CALD1: variants seen among roughly 807,000 people sequenced by gnomAD.
The protein encoded by CALD1 is caldesmon 1, also known as caldesmon.
Under a neutral mutation model 99.9 loss-of-function variants are expected in CALD1, and 33 were observed. The observed-to-expected ratio is 0.33, with a 90% CI of 0.25 to 0.44. CALD1 has a LOEUF of 0.44. Among genes scored for constraint, CALD1 ranks in the 20% least tolerant of loss-of-function variants. CALD1 has a pLI of 1.00. For synonymous variants in CALD1, 310 were observed against 325.0 expected (o/e 0.95, Z 0.50); for missense variants, 861 against 962.1 (o/e 0.89, Z 1.39).
chr7:134,903,028 G>A (rs191248031), intron 3 of CALD1, among the ~76,000 whole-genome samples: 1 of 152,206 alleles, frequency 6.6e-6, no homozygotes, highest in South Asian at 2.1e-4. Flanking sequence ...TGCAGGAAAC[G>A]TAAGTGCATA....
At chr7:134,781,405 C>T (rs898168470) in intron 1 of CALD1, among the ~76,000 whole-genome samples, 1 of 152,164 alleles carries the variant, frequency 6.6e-6, no homozygotes, top group Non-Finnish European at 1.5e-5. Context: ...TCCCCCTTCT[C>T]TTGGGCTCCC....
At chr7:134,726,753 T>G in the CALD1 span, among the ~76,000 whole-genome samples, 1 of 152,148 alleles carries the variant, frequency 6.6e-6, no homozygotes, top group Non-Finnish European at 1.5e-5. Context: ...AAAAGGGTAT[T>G]GTGTATTTCA....
At chr7:134,773,919 C>A (rs2131639227) in intron 1 of CALD1, among the ~76,000 whole-genome samples, 1 of 151,804 alleles carries the variant, frequency 6.6e-6, no homozygotes, top group Middle Eastern at 3.4e-3. Context: ...GCCTGTAATC[C>A]CAGCACTTTG....
At chr7:134,881,545 G>A (rs531481044) in intron 3 of CALD1, among the ~76,000 whole-genome samples, 38 of 152,106 alleles carry the variant, frequency 2.5e-4, no homozygotes, top group African/African-American at 6.5e-4. Flanking sequence ...AGGGTAATGC[G>A]CATGACGTAC....
intron 7 of CALD1, among the ~76,000 whole-genome samples, chr7:134,944,121 G>A (rs1806670120): frequency 1.3e-5 from 2 of 152,148 alleles, no homozygotes; most frequent in South Asian, 2.1e-4. Flanking sequence ...GACTGAGAGA[G>A]GAGTCACAGG....
intron 2 of CALD1, among the ~76,000 whole-genome samples, chr7:134,867,199 CTTT>C (rs1335333834): frequency 6.6e-6 from 1 of 152,198 alleles, no homozygotes; most frequent in Admixed American, 6.5e-5. Context: ...CCTGATGCTT[CTTT>C]GAGAATATGC....
At chr7:134,819,435 T>C (rs80266697) in intron 1 of CALD1, among the ~76,000 whole-genome samples, 1,983 of 152,326 alleles carry the variant, frequency 0.013, 28 homozygotes, top group African/African-American at 0.035. Context: ...GCAAGCCTAA[T>C]AGAACTTGGG....
intron 1 of CALD1, among the ~76,000 whole-genome samples, chr7:134,811,053 GT>G (rs1462827980): frequency 6.6e-6 from 1 of 152,050 alleles, no homozygotes; most frequent in Non-Finnish European, 1.5e-5. Context: ...CTCCTTTTGG[GT>G]TGCCACAGCA....
chr7:134,847,539 G>T (rs1231757781), intron 2 of CALD1, among the ~76,000 whole-genome samples: 1 of 152,182 alleles, frequency 6.6e-6, no homozygotes, highest in East Asian at 1.9e-4. Context: ...TCCAGATTTG[G>T]TTAAGGATTG....
chr7:134,763,778 T>C (rs958500576), intron 1 of CALD1, among the ~76,000 whole-genome samples: 6 of 151,798 alleles, frequency 4.0e-5, no homozygotes, highest in Non-Finnish European at 1.5e-5. Flanking sequence ...ATTAGCTGGA[T>C]GTGGTGGCAG....
In CALD1 at chr7:134,891,842, G is replaced by A. The variant is rs79599461; in HGVS notation, c.71+24038G>A. 5.0e-3 allele frequency among the ~76,000 whole-genome samples: 756 copies of A among 150,610 alleles called. 2 individuals are homozygous for A. The highest frequency in any genetic ancestry group is 0.021 in the Middle Eastern group (6 of 286). ...CAGTGAGTGTGTGAGTTTCAGACCTGTCTGAAACTTTCTGGTTTCCACTTC... is the reference window on the plus strand; with the variant it reads ...CAGTGAGTGTGTGAGTTTCAGACCTATCTGAAACTTTCTGGTTTCCACTTC... On this transcript the variant is annotated intron_variant, in intron 3 of 14. Coordinates refer to ENST00000361675, the MANE Select transcript of CALD1 (RefSeq NM_033138.4).
At chr7:134,807,154 A>T (rs991464699) in intron 1 of CALD1, among the ~76,000 whole-genome samples, 6 of 152,214 alleles carry the variant, frequency 3.9e-5, no homozygotes, top group African/African-American at 1.4e-4. Context: ...TTCCATGCTC[A>T]ACCTTTTAAA....
chr7:134,892,168 T>C (rs893206684), intron 3 of CALD1, among the ~76,000 whole-genome samples: 4 of 152,176 alleles, frequency 2.6e-5, no homozygotes, highest in African/African-American at 9.7e-5. Context: ...CATATGCTAT[T>C]GATCAGGGAA....
chr7:134,943,402 A>G (rs1054313774), intron 7 of CALD1, among the ~76,000 whole-genome samples: 1 of 152,124 alleles, frequency 6.6e-6, no homozygotes, highest in African/African-American at 2.4e-5. Flanking sequence ...GGTGTGAACA[A>G]AACTTTTGCT....
chr7:134,948,191 G>T, intron 8 of CALD1: 1 of 156,416 alleles, frequency 6.4e-6, no homozygotes. Context: ...TCTAATAGTT[G>T]GAGAGTTTTT....
At chr7:134,865,500 G>T (rs1800765843) in intron 2 of CALD1, among the ~76,000 whole-genome samples, 1 of 152,190 alleles carries the variant, frequency 6.6e-6, no homozygotes, top group Non-Finnish European at 1.5e-5. Context: ...CTCTCCCTCT[G>T]GGTGCCCCCA....
At chr7:134,786,750 G>A (rs1244815187) in intron 1 of CALD1, among the ~76,000 whole-genome samples, 1 of 152,162 alleles carries the variant, frequency 6.6e-6, no homozygotes, top group Non-Finnish European at 1.5e-5. Flanking sequence ...TAAGTTCCAA[G>A]CAGTTAACCT....
chr7:134,865,505 C>T (rs760694621), intron 2 of CALD1, among the ~76,000 whole-genome samples: 7 of 152,204 alleles, frequency 4.6e-5, no homozygotes, highest in East Asian at 1.9e-4. Flanking sequence ...CCTCTGGGTG[C>T]CCCCACATGT....
In CALD1 at chr7:134,951,724, T is replaced by A. The variant is rs12113691; in HGVS notation, c.1935+1210T>A. ...GCAGGAATCAGCTGAGTCAGGGAGATGATAGAATAGTTGAGATGTAGGGAA... is the reference window on the plus strand; with the variant it reads ...GCAGGAATCAGCTGAGTCAGGGAGAAGATAGAATAGTTGAGATGTAGGGAA... On this transcript the variant is annotated intron_variant, in intron 9 of 14. Transcript: ENST00000361675. Among the ~76,000 whole-genome samples the A allele has an allele frequency of 1.9e-3, 282 of 152,168 alleles. 2 individuals carry two copies. Among genetic ancestry groups the A allele is most frequent in the African/African-American group, 6.5e-3 (271 of 41,516 alleles).
Sources: gnomAD v4.1 joint callset for allele counts (sites outside exome capture counted in the v4.1 genomes callset) on GRCh38, gnomAD v4.1.1 for gene constraint, MANE v1.5 for transcripts, NCBI Gene and HGNC (gene_info 2026-07-23, HGNC 2026-07-21) for gene names.